The following IMMP2L variants were observed in gnomAD, a reference collection of about 807,000 sequenced individuals.
IMMP2L encodes the protein mitochondrial inner membrane protease subunit 2.
A neutral mutation model predicts 19.3 loss-of-function variants in IMMP2L; 18 were observed. The observed-to-expected ratio is 0.93, with a 90% CI of 0.64 to 1.38. The LOEUF is 1.38. Ranked by LOEUF, IMMP2L falls within the 40% of genes most tolerant of loss-of-function variation. IMMP2L has a pLI of 0.00. For synonymous variants in IMMP2L, 76 were observed against 73.0 expected, an observed-to-expected ratio of 1.04 and a Z score of -0.21; for missense variants, 233 against 218.2, an observed-to-expected ratio of 1.07 and a Z score of -0.43.
intron 3 of IMMP2L, among the ~76,000 whole-genome samples, chr7:111,145,605 G>A (rs1803382781): frequency 6.6e-6 from 1 of 152,076 alleles, no homozygotes; most frequent in Admixed American, 6.6e-5. Context: ...AATAGGAACA[G>A]CATGTACCCT....
chr7:111,006,899 T>C lies in IMMP2L; in HGVS notation c.240-43334A>G, dbSNP rs145190808. On this transcript the variant is annotated intron_variant, in intron 3 of 5. Coordinates refer to ENST00000405709, the MANE Select transcript of IMMP2L (RefSeq NM_032549.4). ...TGAATCATTCACATATATTCATATA[T>C]CTGCTGGATATATCAGCACACAAAT... Among the ~76,000 whole-genome samples the C allele has an allele frequency of 8.1e-3, 1,240 of 152,310 alleles. 13 individuals carry two copies. Among genetic ancestry groups the C allele is most frequent in the Non-Finnish European group, 0.015 (1,013 of 68,022 alleles).
rs75649524 is a variant in IMMP2L, at chr7:110,944,235, C to T, written c.305+19265G>A. ...TAGAGAAACACATGTACTACTCGTT[C>T]TAATATAATCAGATGTATGTTACGT... On this transcript the variant is annotated intron_variant, in intron 4 of 5. Transcript: ENST00000405709. Among the ~76,000 whole-genome samples the T allele has an allele frequency of 7.1e-3, 1,082 of 151,934 alleles. 13 individuals are homozygous for T. Among genetic ancestry groups the T allele is most frequent in the African/African-American group, 0.025 (1,040 of 41,494 alleles).
At chr7:110,871,110 G>T (rs7810802) in intron 5 of IMMP2L, among the ~76,000 whole-genome samples, 6,636 of 152,082 alleles carry the variant, frequency 0.044, 467 homozygotes, top group African/African-American at 0.15. Context: ...CAAGGATGCC[G>T]CCTAACTTTT....
chr7:110,731,082 A>T (rs1796246509), intron 5 of IMMP2L, among the ~76,000 whole-genome samples: 1 of 152,222 alleles, frequency 6.6e-6, no homozygotes, highest in African/African-American at 2.4e-5. Context: ...CAATCAGCTG[A>T]ACTCTTTGAA....
At chr7:111,220,621 G>C (rs1362718636) in intron 3 of IMMP2L, among the ~76,000 whole-genome samples, 4 of 150,202 alleles carry the variant, frequency 2.7e-5, no homozygotes, top group Admixed American at 2.7e-4. Flanking sequence ...TGGATGGATG[G>C]ATACAGAGGG....
intron 3 of IMMP2L, among the ~76,000 whole-genome samples, chr7:111,145,383 T>C (rs982726481): frequency 2.0e-5 from 3 of 152,092 alleles, no homozygotes; most frequent in African/African-American, 7.2e-5. Flanking sequence ...TGTATGTCTA[T>C]TACCTATTTA....
chr7:111,561,174 C>G (rs1015973318), intron 1 of IMMP2L, among the ~76,000 whole-genome samples: 1 of 151,976 alleles, frequency 6.6e-6, no homozygotes, highest in Admixed American at 6.6e-5. Context: ...TGAAATAGAC[C>G]ACACTGAAAA....
At chr7:111,433,297 C>T (rs1172874048) in intron 3 of IMMP2L, among the ~76,000 whole-genome samples, 1 of 151,826 alleles carries the variant, frequency 6.6e-6, no homozygotes, top group Non-Finnish European at 1.5e-5. Flanking sequence ...CTGATAAAGA[C>T]ATACCCTAGA....
chr7:111,545,091 A>G (rs919720903), intron 1 of IMMP2L, among the ~76,000 whole-genome samples: 4 of 152,122 alleles, frequency 2.6e-5, no homozygotes, highest in Admixed American at 6.6e-5. Flanking sequence ...ACAAAAGGAC[A>G]ACATATTTTA....
At chr7:110,793,097 G>A (rs765116242) in intron 5 of IMMP2L, among the ~76,000 whole-genome samples, 32 of 152,174 alleles carry the variant, frequency 2.1e-4, no homozygotes, top group Non-Finnish European at 3.8e-4. Flanking sequence ...GGGAGAAACT[G>A]GTCAAAATGT....
chr7:110,667,893 A>G (rs1791573272), intron 5 of IMMP2L, among the ~76,000 whole-genome samples: 2 of 152,208 alleles, frequency 1.3e-5, no homozygotes, highest in Non-Finnish European at 1.5e-5. Context: ...CCCCATCCGC[A>G]ATAGGTAACT....
In IMMP2L at chr7:111,222,794, T is replaced by C. The variant is rs146195593; in HGVS notation, c.240-259229A>G. 1.8e-3 allele frequency among the ~76,000 whole-genome samples: 281 copies of C among 152,168 alleles called. 2 individuals carry two copies. Among genetic ancestry groups the C allele is most frequent in the African/African-American group, 6.5e-3 (268 of 41,544 alleles). ...CAATATTTAGTAAATTAAAGAAATG[T>C]ATACCAAAGACCTGGCAATTCCACT... On this transcript the variant is annotated intron_variant, in intron 3 of 5. Coordinates refer to ENST00000405709, the MANE Select transcript of IMMP2L (RefSeq NM_032549.4).
chr7:110,801,019 A>C (rs1801201104), intron 5 of IMMP2L, among the ~76,000 whole-genome samples: 1 of 152,066 alleles, frequency 6.6e-6, no homozygotes, highest in African/African-American at 2.4e-5. Flanking sequence ...AATCAAATCA[A>C]ACAAACCAAA....
chr7:110,948,564 C>T (rs983474926), intron 4 of IMMP2L, among the ~76,000 whole-genome samples: 2 of 152,132 alleles, frequency 1.3e-5, no homozygotes, highest in African/African-American at 4.8e-5. Flanking sequence ...TTCTCAACTG[C>T]AGCTATTCCT....
intron 5 of IMMP2L, among the ~76,000 whole-genome samples, chr7:110,859,438 T>C (rs537178864): frequency 6.6e-6 from 1 of 151,916 alleles, no homozygotes; most frequent in South Asian, 2.1e-4. Flanking sequence ...TATTGATTTT[T>C]TGTTAAATAA....
chr7:111,195,302 C>T (rs1307030531), intron 3 of IMMP2L, among the ~76,000 whole-genome samples: 1 of 152,026 alleles, frequency 6.6e-6, no homozygotes, highest in African/African-American at 2.4e-5. Flanking sequence ...AGGCTAGAAA[C>T]AAATTTTTTT....
At chr7:110,810,873 T>C (rs957220052) in intron 5 of IMMP2L, among the ~76,000 whole-genome samples, 3 of 152,134 alleles carry the variant, frequency 2.0e-5, no homozygotes, top group Admixed American at 1.3e-4. Flanking sequence ...ACTTCAATTA[T>C]GGGTGCCATG....
At chr7:111,197,334 G>A (rs1482348632) in intron 3 of IMMP2L, among the ~76,000 whole-genome samples, 5 of 152,004 alleles carry the variant, frequency 3.3e-5, no homozygotes, top group South Asian at 2.1e-4. Context: ...GTGGTGGCGG[G>A]CGCCTGTAGT....
At chr7:111,539,134 A>G (rs1848179694) in intron 1 of IMMP2L, among the ~76,000 whole-genome samples, 1 of 29,046 alleles carries the variant, frequency 3.4e-5, no homozygotes, top group African/African-American at 2.1e-4. Flanking sequence ...AGAAAAGAAA[A>G]GGAAGGAAGG....
Sources: allele counts gnomAD v4.1 joint callset (sites outside exome capture counted in the v4.1 genomes callset), GRCh38; gene constraint gnomAD v4.1.1; transcripts MANE v1.5; gene names NCBI Gene and HGNC (gene_info 2026-07-23, HGNC 2026-07-21).